Variants in ZNF277 observed in about 807,000 individuals in gnomAD.
The protein encoded by ZNF277 is nuclear receptor-interacting factor 4.
Under a neutral mutation model 60.7 loss-of-function variants are expected in ZNF277, and 55 were observed. That is an observed-to-expected ratio of 0.91 (90% CI 0.73 to 1.13). The LOEUF (loss-of-function observed/expected upper bound fraction) is 1.13, where lower values mean the gene tolerates loss of function less well. Among genes scored for constraint, ZNF277 ranks in the 50% most tolerant of loss-of-function variants. The pLI, the probability that ZNF277 is intolerant of heterozygous loss-of-function variation, is 0.00. For missense variants in ZNF277, 510 were observed against 523.0 expected, an observed-to-expected ratio of 0.98 and a Z score of 0.24; for synonymous variants, 178 against 179.3, an observed-to-expected ratio of 0.99 and a Z score of 0.06.
intron 2 of ZNF277, 143 bp downstream of exon 2, chr7:112,287,217 A>G: frequency 1.3e-6 from 1 of 765,710 alleles, no homozygotes; most frequent in Non-Finnish European, 2.1e-6. Flanking sequence ...TAAAAACAAA[A>G]TTTAAAAATT....
intron 2 of ZNF277, chr7:112,288,208 T>G (rs1174151100): frequency 6.6e-6 from 1 of 152,226 alleles, no homozygotes; most frequent in Non-Finnish European, 1.5e-5. Flanking sequence ...TTATAATTTC[T>G]GGAAGTAGTT....
intron 2 of ZNF277, among the ~76,000 whole-genome samples, chr7:112,294,721 C>T (rs983943939): frequency 1.3e-5 from 2 of 152,064 alleles, no homozygotes; most frequent in Admixed American, 1.3e-4. Flanking sequence ...GACCTCTCTC[C>T]AGCACAGACT....
At chr7:112,256,510 GCTCT>G (rs1002284756) in intron 1 of ZNF277, among the ~76,000 whole-genome samples, 3 of 127,588 alleles carry the variant, frequency 2.4e-5, no homozygotes, top group Admixed American at 2.0e-4. Context: ...GCTCACTTTT[GCTCT>G]CTAAGTGGCT....
At chr7:112,230,224 TGA>T (rs1822286648) in intron 1 of ZNF277, among the ~76,000 whole-genome samples, 1 of 152,148 alleles carries the variant, frequency 6.6e-6, no homozygotes, top group Non-Finnish European at 1.5e-5. Context: ...GTCAGGAATT[TGA>T]GACCAGCCTG....
chr7:112,320,986 A>C (rs1307350703), intron 5 of ZNF277, among the ~76,000 whole-genome samples: 2 of 134,218 alleles, frequency 1.5e-5, no homozygotes, highest in Non-Finnish European at 3.0e-5. Flanking sequence ...CAGTGGCAGG[A>C]TCTCGGCTCA....
At chr7:112,304,203 A>G (rs1365080780) in intron 4 of ZNF277, among the ~76,000 whole-genome samples, 3 of 152,144 alleles carry the variant, frequency 2.0e-5, no homozygotes, top group Non-Finnish European at 4.4e-5. Context: ...GTATTTTGCC[A>G]TTAATAGTTT....
At chr7:112,262,910 A>G (rs1292198103) in intron 1 of ZNF277, among the ~76,000 whole-genome samples, 1 of 152,216 alleles carries the variant, frequency 6.6e-6, no homozygotes, top group Admixed American at 6.5e-5. Context: ...CATTAACAAC[A>G]TTCCTGCTGT....
At chr7:112,271,689 A>G (rs115376510) in intron 1 of ZNF277, among the ~76,000 whole-genome samples, 195 of 152,334 alleles carry the variant, frequency 1.3e-3, no homozygotes, top group African/African-American at 4.4e-3. Context: ...AATGGAGGAC[A>G]TGAATCTAGT....
intron 11 of ZNF277, among the ~76,000 whole-genome samples, chr7:112,342,130 T>C (rs1279503860): frequency 6.6e-6 from 1 of 152,206 alleles, no homozygotes; most frequent in African/African-American, 2.4e-5. Flanking sequence ...TGTTAACTTA[T>C]AAGGAAGAAC....
At chr7:112,268,466 A>G (rs1237059269) in intron 1 of ZNF277, among the ~76,000 whole-genome samples, 4 of 152,022 alleles carry the variant, frequency 2.6e-5, no homozygotes, top group Non-Finnish European at 5.9e-5. Context: ...AGGACTTACA[A>G]TGTGTTGCTT....
intron 1 of ZNF277, among the ~76,000 whole-genome samples, chr7:112,245,374 A>T (rs1791060639): frequency 6.6e-6 from 1 of 152,162 alleles, no homozygotes. Context: ...GCTCTATATT[A>T]TTGTGACCTT....
chr7:112,289,121 C>A (rs145714130), intron 2 of ZNF277: 4 of 152,028 alleles, frequency 2.6e-5, no homozygotes, highest in African/African-American at 9.7e-5. Flanking sequence ...TTGAGTTTTC[C>A]ATTTGTATTT....
intron 4 of ZNF277, among the ~76,000 whole-genome samples, chr7:112,302,011 G>A (rs1402285893): frequency 6.6e-6 from 1 of 151,976 alleles, no homozygotes; most frequent in East Asian, 1.9e-4. Context: ...TTTTTCCTTT[G>A]TCTACAGGAG....
At chr7:112,260,217 G>C (rs1791411733) in intron 1 of ZNF277, among the ~76,000 whole-genome samples, 1 of 152,132 alleles carries the variant, frequency 6.6e-6, no homozygotes, top group African/African-American at 2.4e-5. Flanking sequence ...AGTGAGCCGT[G>C]ATCACACCAC....
rs1792892029 is a variant in ZNF277 at position 112,318,389 on chromosome 7, A to T, written c.557+116A>T. The stretch of plus-strand genomic sequence containing the variant: ...ATGTGTTGGCTCAGGACCCTTTCGT[A>T]TATAAGCAGTCCTTTTTAAAAATAT... On this transcript the variant is annotated intron_variant, in intron 5 of 11. Transcript: ENST00000361822. 3.7e-6 allele frequency: 3 copies of T among 805,548 alleles called. No individual in the cohort carries two copies. The South Asian group carries it at 5.3e-5, about 14-fold the overall frequency. The allele number at this position is 805,548 out of a possible 1,614,324, so 49.9% of individuals were successfully genotyped here. A position where few individuals can be genotyped will look rare whatever the true frequency, so the allele number is the denominator to read the frequency against.
At chr7:112,237,692 G>T (rs1348005531) in intron 1 of ZNF277, among the ~76,000 whole-genome samples, 1 of 151,874 alleles carries the variant, frequency 6.6e-6, no homozygotes, top group East Asian at 1.9e-4. Context: ...TCTCCCAAAA[G>T]CAACAAAAAA....
chr7:112,335,629 C>T (rs950803718), intron 7 of ZNF277, among the ~76,000 whole-genome samples: 3 of 152,056 alleles, frequency 2.0e-5, no homozygotes, highest in Non-Finnish European at 2.9e-5. Flanking sequence ...TCTAAATTGA[C>T]CTCAAGTGTA....
intron 1 of ZNF277, among the ~76,000 whole-genome samples, chr7:112,260,232 C>T (rs929474687): frequency 3.3e-5 from 5 of 152,316 alleles, no homozygotes; most frequent in Admixed American, 6.5e-5. Context: ...CACCACTGCA[C>T]TCCACCCTAG....
At chr7:112,217,086 G>A (rs1821905222) in intron 1 of ZNF277, among the ~76,000 whole-genome samples, 1 of 152,200 alleles carries the variant, frequency 6.6e-6, no homozygotes. Context: ...AGAATACAAA[G>A]ATGAGAATAA....
Sources: allele counts gnomAD v4.1 joint callset (sites outside exome capture counted in the v4.1 genomes callset), GRCh38; gene constraint gnomAD v4.1.1; transcripts MANE v1.5; gene names NCBI Gene and HGNC (gene_info 2026-07-23, HGNC 2026-07-21).